The following MEIS2 variants were observed in gnomAD, a reference collection of about 807,000 sequenced individuals.
The protein encoded by MEIS2 is Meis homeobox 2.
A neutral mutation model predicts 58.6 loss-of-function variants in MEIS2; 9 were observed. The ratio of observed to expected loss-of-function variants is 0.15; its 90% CI spans 0.09 to 0.27. MEIS2 has a LOEUF of 0.27. MEIS2 is among the 10% of genes least tolerant of loss of function. MEIS2 has a pLI of 1.00. For synonymous variants in MEIS2, 221 were observed against 228.4 expected, an observed-to-expected ratio of 0.97 and a Z score of 0.29; for missense variants, 427 against 635.0, an observed-to-expected ratio of 0.67 and a Z score of 3.52.
At chr15:37,054,111 A>C (rs751089967) in intron 7 of MEIS2, among the ~76,000 whole-genome samples, 3 of 152,158 alleles carry the variant, frequency 2.0e-5, no homozygotes, top group Non-Finnish European at 4.4e-5. Context: ...CTAATATTTG[A>C]CTTTTTGATC....
At chr15:37,068,330 T>C (rs193078881) in intron 7 of MEIS2, among the ~76,000 whole-genome samples, 131 of 152,324 alleles carry the variant, frequency 8.6e-4, no homozygotes, top group Non-Finnish European at 3.1e-4. Flanking sequence ...CTTCTACCTA[T>C]GACTACTCAA....
chr15:37,085,052 T>C (rs920014970), intron 6 of MEIS2, among the ~76,000 whole-genome samples: 2 of 152,116 alleles, frequency 1.3e-5, no homozygotes, highest in African/African-American at 4.8e-5. Context: ...AAGTATATAC[T>C]GAAGTATACA....
chr15:36,907,600 G>T (rs1178159480), intron 9 of MEIS2, among the ~76,000 whole-genome samples: 1 of 152,216 alleles, frequency 6.6e-6, no homozygotes, highest in Non-Finnish European at 1.5e-5. Context: ...GGATGTGGCA[G>T]AGGACACATT....
At chr15:37,004,094 T>C (rs1213699036) in intron 8 of MEIS2, among the ~76,000 whole-genome samples, 2 of 152,248 alleles carry the variant, frequency 1.3e-5, no homozygotes, top group Non-Finnish European at 1.5e-5. Context: ...AAATCTCAGG[T>C]TGGCTTTTGG....
intron 8 of MEIS2, among the ~76,000 whole-genome samples, chr15:36,992,847 G>C (rs2060346092): frequency 6.6e-6 from 1 of 152,138 alleles, no homozygotes; most frequent in Admixed American, 6.5e-5. Flanking sequence ...CACGGATTTT[G>C]AATTTTGCCT....
chr15:37,007,668 T>C (rs1275843925), intron 8 of MEIS2, among the ~76,000 whole-genome samples: 1 of 152,242 alleles, frequency 6.6e-6, no homozygotes, highest in Non-Finnish European at 1.5e-5. Flanking sequence ...CTAACACAGC[T>C]TCCCATCACC....
intron 9 of MEIS2, among the ~76,000 whole-genome samples, chr15:36,929,935 G>T (rs2057904954): frequency 6.6e-6 from 1 of 152,144 alleles, no homozygotes; most frequent in African/African-American, 2.4e-5. Context: ...CGGTGTGGTG[G>T]CTCACACCTG....
intron 10 of MEIS2, among the ~76,000 whole-genome samples, chr15:36,895,689 A>G (rs145894096): frequency 1.2e-4 from 18 of 152,356 alleles, no homozygotes; most frequent in African/African-American, 4.1e-4. Context: ...ACAAGGTTAA[A>G]TAGACTCAAT....
intron 9 of MEIS2, among the ~76,000 whole-genome samples, chr15:36,913,905 G>A (rs2057157134): frequency 6.6e-6 from 1 of 152,176 alleles, no homozygotes; most frequent in Non-Finnish European, 1.5e-5. Context: ...TTTGCCCCAA[G>A]AATCAAACTA....
chr15:36,894,977 T>C (rs1170577517), intron 11 of MEIS2, among the ~76,000 whole-genome samples, 174 bp downstream of exon 11: 6 of 116,574 alleles, frequency 5.1e-5, no homozygotes, highest in Non-Finnish European at 1.1e-4. Context: ...TGGTAAAATC[T>C]TTACTTTTTC....
chr15:37,099,199 C>T, intron 1 of MEIS2: 1 of 1,412,472 alleles, frequency 7.1e-7, no homozygotes, highest in South Asian at 1.6e-5. Flanking sequence ...CTCACACGCA[C>T]TCGCCGCCCG....
At chr15:36,968,107 A>G (rs1456187456) in intron 8 of MEIS2, among the ~76,000 whole-genome samples, 1 of 152,188 alleles carries the variant, frequency 6.6e-6, no homozygotes, top group African/African-American at 2.4e-5. Flanking sequence ...GTGCCCAAGA[A>G]ACAACTCTTT....
chr15:36,902,114 T>C (rs1356525919), intron 9 of MEIS2, among the ~76,000 whole-genome samples: 1 of 152,224 alleles, frequency 6.6e-6, no homozygotes, highest in Non-Finnish European at 1.5e-5. Context: ...AGATTTTGTA[T>C]GCAAGATCCT....
intron 9 of MEIS2, among the ~76,000 whole-genome samples, chr15:36,909,899 G>A (rs572244437): frequency 3.9e-5 from 6 of 151,936 alleles, no homozygotes; most frequent in Non-Finnish European, 7.4e-5. Flanking sequence ...AATAGAAAGC[G>A]AAGGAGGAAG....
At chr15:36,953,336 GATGT>G (rs2058831397) in intron 8 of MEIS2, among the ~76,000 whole-genome samples, 1 of 152,108 alleles carries the variant, frequency 6.6e-6, no homozygotes, top group African/African-American at 2.4e-5. Context: ...CTTCTTCTTT[GATGT>G]ATATTACTAA....
chr15:37,030,615 G>A (rs1001997743), intron 8 of MEIS2, among the ~76,000 whole-genome samples: 3 of 151,502 alleles, frequency 2.0e-5, no homozygotes, highest in African/African-American at 7.3e-5. Flanking sequence ...AGGATTACAG[G>A]CGTGAGTCAT....
intron 7 of MEIS2, among the ~76,000 whole-genome samples, chr15:37,061,084 G>T (rs151178111): frequency 6.6e-6 from 1 of 152,106 alleles, no homozygotes; most frequent in Non-Finnish European, 1.5e-5. Context: ...ATCCTCTTAG[G>T]GGGTGCGGCT....
intron 8 of MEIS2, among the ~76,000 whole-genome samples, chr15:37,035,674 A>G (rs1363119294): frequency 6.6e-6 from 1 of 152,194 alleles, no homozygotes; most frequent in East Asian, 1.9e-4. Flanking sequence ...GATACACCTT[A>G]GTTTGCTACT....
Position 37,099,708 on chromosome 15 carries a change from T to G in MEIS2, c.-242A>C. The G allele has an allele frequency of 1.1e-4, 45 of 402,814 alleles. No individual in the cohort carries two copies. Among genetic ancestry groups the G allele is most frequent in the Non-Finnish European group, 1.3e-4 (30 of 224,012 alleles). 25.0% of individuals were successfully genotyped at this position (402,814 alleles called of 1,614,324 possible). ...CCTCTTCTTCCTCCTCCTCCTGATC[T>G]TCCTCCTCCTCCTCCACCTCCTCCT... is the stretch of plus-strand genomic sequence containing the variant. On this transcript the variant is annotated 5_prime_UTR_variant, in exon 1 of 12. Coordinates refer to ENST00000561208, the MANE Select transcript of MEIS2 (RefSeq NM_170675.5).
Sources: allele counts gnomAD v4.1 joint callset (sites outside exome capture counted in the v4.1 genomes callset), GRCh38; gene constraint gnomAD v4.1.1; transcripts MANE v1.5; gene names NCBI Gene and HGNC (gene_info 2026-07-23, HGNC 2026-07-21).